The following QTMAN variants were observed in gnomAD, a reference collection of about 807,000 sequenced individuals.
QTMAN encodes the protein tRNA-queuosine alpha-mannosyltransferase.
chr2:143,973,835 T>C, the QTMAN span, among the ~76,000 whole-genome samples: 2 of 151,982 alleles, frequency 1.3e-5, no homozygotes, highest in Non-Finnish European at 2.9e-5. Context: ...ATTCAATTAT[T>C]AAAGATGTAC....
At chr2:143,989,281 T>C in the QTMAN span, among the ~76,000 whole-genome samples, 1 of 152,060 alleles carries the variant, frequency 6.6e-6, no homozygotes, top group East Asian at 1.9e-4. Flanking sequence ...AATAAATCCA[T>C]TCATAGAACT....
At chr2:144,127,105 C>T in the QTMAN span, among the ~76,000 whole-genome samples, 1 of 152,008 alleles carries the variant, frequency 6.6e-6, no homozygotes, top group South Asian at 2.1e-4. Context: ...CAACCCAACC[C>T]GCACATTCAG....
chr2:144,267,002 C>CA, the QTMAN span, among the ~76,000 whole-genome samples: 1 of 151,990 alleles, frequency 6.6e-6, no homozygotes, highest in East Asian at 1.9e-4. Context: ...GCATAAAGGA[C>CA]ACCACACTAA....
chr2:144,102,164 T>C, the QTMAN span, among the ~76,000 whole-genome samples: 1 of 152,194 alleles, frequency 6.6e-6, no homozygotes, highest in African/African-American at 2.4e-5. Context: ...TCCAGAGCTA[T>C]GTTTTTTCCA....
chr2:144,083,940 A>G, the QTMAN span, among the ~76,000 whole-genome samples: 1 of 152,238 alleles, frequency 6.6e-6, no homozygotes, highest in Non-Finnish European at 1.5e-5. Context: ...TATAATTTCT[A>G]CCTTTGAATA....
chr2:143,977,411 G>C, the QTMAN span, among the ~76,000 whole-genome samples: 1 of 152,220 alleles, frequency 6.6e-6, no homozygotes, highest in Non-Finnish European at 1.5e-5. Flanking sequence ...CTGATGGAGA[G>C]GAGCAGAGGA....
the QTMAN span, among the ~76,000 whole-genome samples, chr2:144,203,976 A>G: frequency 6.6e-6 from 1 of 151,852 alleles, no homozygotes; most frequent in African/African-American, 2.4e-5. Flanking sequence ...CCTTCCTTAC[A>G]CCTTATACAA....
the QTMAN span, among the ~76,000 whole-genome samples, chr2:143,949,297 C>G: frequency 6.6e-6 from 1 of 152,012 alleles, no homozygotes; most frequent in Non-Finnish European, 1.5e-5. Context: ...TTTTCACTTA[C>G]TAGCATTCTG....
At chr2:144,243,773 T>C in the QTMAN span, among the ~76,000 whole-genome samples, 3 of 152,198 alleles carry the variant, frequency 2.0e-5, no homozygotes, top group Non-Finnish European at 4.4e-5. Context: ...TCGCCTATCA[T>C]CTCATTCTTT....
At chr2:144,294,666 T>C in the QTMAN span, among the ~76,000 whole-genome samples, 1 of 152,116 alleles carries the variant, frequency 6.6e-6, no homozygotes, top group Admixed American at 6.6e-5. Flanking sequence ...AAAAACTCTT[T>C]GTGGAAGAGA....
chr2:144,214,206 CAATT>C, the QTMAN span, among the ~76,000 whole-genome samples: 14 of 151,998 alleles, frequency 9.2e-5, no homozygotes, highest in Non-Finnish European at 1.6e-4. Context: ...GTACTACAAT[CAATT>C]ATCATATGGG....
chr2:144,246,968 G>T, the QTMAN span, among the ~76,000 whole-genome samples: 1 of 152,150 alleles, frequency 6.6e-6, no homozygotes, highest in East Asian at 1.9e-4. Context: ...TTCCAACTTA[G>T]AATTTAATTA....
the QTMAN span, among the ~76,000 whole-genome samples, chr2:144,199,367 G>A: frequency 6.6e-6 from 1 of 152,102 alleles, no homozygotes; most frequent in African/African-American, 2.4e-5. Flanking sequence ...AACTTCTTTA[G>A]TGAATACTGC....
chr2:144,004,929 G>A, the QTMAN span, among the ~76,000 whole-genome samples: 1 of 152,044 alleles, frequency 6.6e-6, no homozygotes, highest in Non-Finnish European at 1.5e-5. Flanking sequence ...ATGCTCGGCG[G>A]CTCAGTGTTT....
the QTMAN span, among the ~76,000 whole-genome samples, chr2:144,317,272 A>T: frequency 1.3e-5 from 2 of 152,046 alleles, no homozygotes; most frequent in African/African-American, 4.8e-5. Context: ...AGGGATTTTG[A>T]GGTTGGAGGG....
At chr2:144,098,064 T>C in the QTMAN span, among the ~76,000 whole-genome samples, 1 of 152,194 alleles carries the variant, frequency 6.6e-6, no homozygotes, top group Non-Finnish European at 1.5e-5. Flanking sequence ...GTAGCACTAA[T>C]GTGAGCCAGA....
chr2:144,175,566 A>G, the QTMAN span, among the ~76,000 whole-genome samples: 1 of 152,082 alleles, frequency 6.6e-6, no homozygotes, highest in Non-Finnish European at 1.5e-5. Flanking sequence ...AATTCTACCA[A>G]ATGTTTAAAG....
chr2:144,107,345 T>C, the QTMAN span, among the ~76,000 whole-genome samples: 5 of 151,840 alleles, frequency 3.3e-5, no homozygotes, highest in African/African-American at 4.8e-5. Flanking sequence ...ATCAACAAAA[T>C]TGATATACTG....
the QTMAN span, among the ~76,000 whole-genome samples, chr2:144,163,166 G>A: frequency 1.3e-5 from 2 of 152,004 alleles, no homozygotes; most frequent in Non-Finnish European, 2.9e-5. Context: ...TTAAAGCAAT[G>A]TAAGACTAGA....
Sources: gnomAD v4.1 joint callset for allele counts (sites outside exome capture counted in the v4.1 genomes callset) on GRCh38, gnomAD v4.1.1 for gene constraint, MANE v1.5 for transcripts, NCBI Gene and HGNC (gene_info 2026-07-23, HGNC 2026-07-21) for gene names.